CAMTA1: variants seen among roughly 807,000 people sequenced by gnomAD.
The protein encoded by CAMTA1 is calmodulin-binding transcription activator 1.
In CAMTA1, 27 loss-of-function variants were observed where a neutral mutation model predicts 170.9. The observed-to-expected ratio is 0.16, with a 90% CI of 0.12 to 0.22. The LOEUF is 0.22. CAMTA1 is among the 10% of genes least tolerant of loss of function. The pLI is 1.00. For synonymous variants in CAMTA1, 833 were observed against 891.5 expected (o/e 0.93, Z 1.17); for missense variants, 1,619 against 2,217.2 (o/e 0.73, Z 5.42).
chr1:7,671,113 G>A (rs2096056739), intron 10 of CAMTA1, 76 bp downstream of exon 10: 8 of 1,547,138 alleles, frequency 5.2e-6, no homozygotes, highest in East Asian at 2.3e-5. Context: ...TTGGCCTTGG[G>A]GTGACCTTGA....
chr1:7,462,392 C>T (rs1050265725), intron 5 of CAMTA1, among the ~76,000 whole-genome samples: 1 of 152,150 alleles, frequency 6.6e-6, no homozygotes, highest in Non-Finnish European at 1.5e-5. Flanking sequence ...CAGCCTCCTG[C>T]GTAGCTGAGA....
At chr1:7,192,769 C>T (rs1654781890) in intron 4 of CAMTA1, among the ~76,000 whole-genome samples, 1 of 152,168 alleles carries the variant, frequency 6.6e-6, no homozygotes, top group Non-Finnish European at 1.5e-5. Flanking sequence ...ATGTAGGTTA[C>T]ATTGTGAGTC....
At chr1:6,998,290 C>G (rs959763792) in intron 3 of CAMTA1, among the ~76,000 whole-genome samples, 3 of 152,144 alleles carry the variant, frequency 2.0e-5, no homozygotes, top group Admixed American at 2.0e-4. Context: ...ACATGTTGGC[C>G]AGGCTGGTCT....
rs371065811 is a variant in CAMTA1, at chr1:7,154,249, G to A, written c.302+62878G>A. 2.6e-5 allele frequency among the ~76,000 whole-genome samples: 4 copies of A among 152,242 alleles called. No individual in the cohort carries two copies. The East Asian group carries it at 5.8e-4, about 22-fold the overall frequency. On this transcript the variant is annotated intron_variant, in intron 4 of 22. Coordinates refer to ENST00000303635, the MANE Select transcript of CAMTA1 (RefSeq NM_015215.4). ...AGAAGATGAACAGATTGACCCTGGA[G>A]GTAACCCCCACCCGAGACTCCCGTC...
intron 6 of CAMTA1, among the ~76,000 whole-genome samples, chr1:7,549,981 A>T (rs1575976897): frequency 6.6e-6 from 1 of 152,162 alleles, no homozygotes. Flanking sequence ...TGCTCGGAGG[A>T]GGAGTCTCAA....
intron 5 of CAMTA1, among the ~76,000 whole-genome samples, chr1:7,461,705 G>A (rs11120938): frequency 0.075 from 11,408 of 152,260 alleles, 768 homozygotes; most frequent in East Asian, 0.2. Context: ...CCTCCTTGTG[G>A]GAGGTGGACC....
chr1:7,381,200 T>A (rs1047160532), intron 5 of CAMTA1, among the ~76,000 whole-genome samples: 3 of 151,864 alleles, frequency 2.0e-5, no homozygotes, highest in African/African-American at 7.3e-5. Context: ...CATGTGCACA[T>A]TGTGCAGGTT....
intron 3 of CAMTA1, among the ~76,000 whole-genome samples, chr1:7,083,904 A>G (rs1318915170): frequency 2.0e-5 from 3 of 151,990 alleles, no homozygotes; most frequent in African/African-American, 7.2e-5. Flanking sequence ...TGGGAGTAAT[A>G]TAATTGCATT....
intron 4 of CAMTA1, among the ~76,000 whole-genome samples, chr1:7,233,943 G>T (rs1442402150): frequency 6.6e-6 from 1 of 152,100 alleles, no homozygotes; most frequent in Non-Finnish European, 1.5e-5. Flanking sequence ...GCTGTCAGGT[G>T]CCCTCTGCTT....
chr1:7,302,466 G>A (rs371245785), intron 5 of CAMTA1, among the ~76,000 whole-genome samples: 4 of 152,336 alleles, frequency 2.6e-5, no homozygotes, highest in African/African-American at 7.2e-5. Flanking sequence ...AGAAATACCC[G>A]AAATATGGGC....
At chr1:7,575,331 G>T (rs1167026374) in intron 6 of CAMTA1, among the ~76,000 whole-genome samples, 1 of 152,130 alleles carries the variant, frequency 6.6e-6, no homozygotes, top group African/African-American at 2.4e-5. Context: ...AGGCCTCCTT[G>T]TTTTTTAGTG....
rs1355935620 is a variant in CAMTA1 at position 7,553,198 on chromosome 1, C to T, written c.510+85297C>T. Among the ~76,000 whole-genome samples, 5 of 151,708 alleles carry T rather than the reference C, an allele frequency of 3.3e-5. No individual in the cohort carries two copies. The East Asian group carries it at 9.6e-4, about 29-fold the overall frequency. On this transcript the variant is annotated intron_variant, in intron 6 of 22. Coordinates refer to ENST00000303635, the MANE Select transcript of CAMTA1 (RefSeq NM_015215.4). ...GAGTGAATGAATGAATGAGTGAATG[C>T]ATGAATGAGTGAATAAGTGAGTGAA...
At chr1:7,382,840 A>ATAGATAGATAGAT (rs2087492125) in intron 5 of CAMTA1, 1 of 99,100 alleles carries the variant, frequency 1.0e-5, no homozygotes, top group Non-Finnish European at 2.1e-5. Flanking sequence ...TGATAGATAG[A>ATAGATAGATAGAT]TAGATAGATA....
chr1:7,422,386 G>A (rs2091620964), intron 5 of CAMTA1, among the ~76,000 whole-genome samples: 1 of 152,046 alleles, frequency 6.6e-6, no homozygotes, highest in Non-Finnish European at 1.5e-5. Context: ...CCACCCTGGA[G>A]GAGACAGCAG....
intron 3 of CAMTA1, among the ~76,000 whole-genome samples, chr1:7,056,909 A>T (rs769097369): frequency 1.3e-5 from 2 of 152,178 alleles, no homozygotes; most frequent in Non-Finnish European, 2.9e-5. Context: ...TTCCGCTGGG[A>T]CACCCCTCAG....
intron 5 of CAMTA1, among the ~76,000 whole-genome samples, chr1:7,465,174 G>C (rs907302221): frequency 6.6e-6 from 1 of 152,192 alleles, no homozygotes; most frequent in Admixed American, 6.5e-5. Flanking sequence ...GTGTCCTGGA[G>C]CTGCCAGTGG....
intron 11 of CAMTA1, among the ~76,000 whole-genome samples, chr1:7,711,179 T>G (rs1000246584): frequency 6.6e-6 from 1 of 152,178 alleles, no homozygotes; most frequent in East Asian, 1.9e-4. Flanking sequence ...TGCTGTATCC[T>G]TACAAGGTGG....
At chr1:6,794,511 C>G (rs1048521952) in intron 1 of CAMTA1, among the ~76,000 whole-genome samples, 1 of 152,052 alleles carries the variant, frequency 6.6e-6, no homozygotes. Context: ...TAAAAAAAAT[C>G]CATTTTGGGT....
At position 7,718,783 on chromosome 1, in the gene CAMTA1, G is replaced by A. The variant is rs768180821; in HGVS notation, c.2915-13665G>A. Among the ~76,000 whole-genome samples the A allele has an allele frequency of 3.3e-5, 5 of 149,506 alleles. No homozygotes were observed. In the South Asian group the frequency reaches 8.5e-4, roughly 25 times the overall value. ...TGTTTCTCAGGCTAATCTTGAACTC[G>A]TGACTTCAGGTGATCCCCCTGCCTC... On this transcript the variant is annotated intron_variant, in intron 11 of 22. Transcript: ENST00000303635.
Sources: gnomAD v4.1 joint callset for allele counts (sites outside exome capture counted in the v4.1 genomes callset) on GRCh38, gnomAD v4.1.1 for gene constraint, MANE v1.5 for transcripts, NCBI Gene and HGNC (gene_info 2026-07-23, HGNC 2026-07-21) for gene names.